The following IREB2 variants were observed in gnomAD, a reference collection of about 807,000 sequenced individuals.
The protein encoded by IREB2 is iron responsive element binding protein 2.
A neutral mutation model predicts 118.8 loss-of-function variants in IREB2; 39 were observed. That is an observed-to-expected ratio of 0.33 (90% CI 0.25 to 0.43). The LOEUF (loss-of-function observed/expected upper bound fraction) is 0.43, where lower values mean the gene tolerates loss of function less well. IREB2 is among the 20% of genes least tolerant of loss of function. The probability of loss-of-function intolerance (pLI) is 1.00; values close to 1 mark genes in which losing one functional copy is unlikely to be tolerated. For missense variants in IREB2, 900 were observed against 1,147.3 expected (o/e 0.78, Z 3.11); for synonymous variants, 372 against 392.2 (o/e 0.95, Z 0.61).
intron 2 of IREB2, among the ~76,000 whole-genome samples, chr15:78,448,497 TA>T (rs2050969520): frequency 1.3e-5 from 2 of 152,354 alleles, no homozygotes; most frequent in South Asian, 2.1e-4. Flanking sequence ...TTTATTTATT[TA>T]TTTGAAGAAA....
intron 2 of IREB2, among the ~76,000 whole-genome samples, chr15:78,451,130 A>G (rs1396075136): frequency 6.6e-6 from 1 of 151,608 alleles, no homozygotes; most frequent in Non-Finnish European, 1.5e-5. Context: ...ACACCTGGCT[A>G]ATTTTTTGTA....
chr15:78,472,364 T>C (rs2051393916), intron 7 of IREB2, among the ~76,000 whole-genome samples: 1 of 151,936 alleles, frequency 6.6e-6, no homozygotes, highest in African/African-American at 2.4e-5. Flanking sequence ...TTCTTTTTTT[T>C]TTCTTTTTCT....
In IREB2 at chr15:78,483,389, T is replaced by C. The variant is rs1402185571; in HGVS notation, c.1368T>C (p.Ala456=). 6.2e-7 allele frequency: 1 copy of C among 1,608,334 alleles called. No individual in the cohort carries two copies. Among genetic ancestry groups the C allele is most frequent in the Non-Finnish European group, 8.5e-7 (1 of 1,174,790 alleles). The change falls in exon 11 of 22, where the codon GCT becomes GCC. Residue 456 remains alanine, a synonymous_variant. Transcript: ENST00000258886. The part of the protein sequence containing the change: ...SGPKRPQDRV[A]VTDMKSDFQA... ...CAAAAAGACCTCAGGATAGAGTTGCTGTGACAGATATGAAAAGCGATTTCC... is the reference window on the plus strand; with the variant it reads ...CAAAAAGACCTCAGGATAGAGTTGCCGTGACAGATATGAAAAGCGATTTCC...
intron 10 of IREB2, among the ~76,000 whole-genome samples, chr15:78,481,451 G>A (rs891894346): frequency 6.6e-6 from 1 of 151,624 alleles, no homozygotes; most frequent in South Asian, 2.1e-4. Flanking sequence ...TGCCTCCCAG[G>A]TTCATGCCAT....
intron 14 of IREB2, among the ~76,000 whole-genome samples, 169 bp from the exon 15 acceptor site, chr15:78,488,011 G>GA (rs2141518809): frequency 1.3e-5 from 2 of 152,178 alleles, no homozygotes; most frequent in East Asian, 1.9e-4. Context: ...ATAATACAAG[G>GA]AATTGATTTA....
intron 2 of IREB2, among the ~76,000 whole-genome samples, chr15:78,451,596 C>A (rs2051025296): frequency 6.6e-6 from 1 of 152,178 alleles, no homozygotes; most frequent in African/African-American, 2.4e-5. Flanking sequence ...ACGAGTACTA[C>A]AGGTTGAGTA....
In IREB2 at chr15:78,499,438, T is replaced by C. The variant is rs1044113288; in HGVS notation, c.*1295T>C. On this transcript the variant is annotated 3_prime_UTR_variant, in exon 22 of 22. Coordinates refer to ENST00000258886, the MANE Select transcript of IREB2 (RefSeq NM_004136.4). The stretch of plus-strand genomic sequence containing the variant: ...GTAGTGATTTTTTTTCACATAGATA[T>C]CTTTCTATGACCTAGTTAGTTACTG... The C allele has an allele frequency of 1.8e-4, 27 of 152,190 alleles. No homozygotes were observed. The highest frequency in any genetic ancestry group is 7.3e-5 in the Non-Finnish European group (5 of 68,040). The allele number at this position is 152,190 out of a possible 1,614,324, so 9.4% of individuals were successfully genotyped here.
chr15:78,439,801 C>A lies in IREB2; in HGVS notation c.26C>A (p.Ala9Asp). 6.3e-7 allele frequency: 1 copy of A among 1,577,686 alleles called. No homozygotes were observed. The change falls in exon 2 of 22, where the codon GCC becomes GAC. Residue 9 changes from alanine to aspartate, a missense_variant. Transcript: ENST00000258886. MDAPKAGY[A>D]FEYLIETLND... ...AATACAATTTTTTTTTCAGGATACG[C>A]CTTTGAGTACCTTATTGAAACATTA...
At chr15:78,488,529 T>A in intron 15 of IREB2, 118 bp from the exon 16 acceptor site, 1 of 1,107,566 alleles carries the variant, frequency 9.0e-7, no homozygotes, top group Non-Finnish European at 1.3e-6. Flanking sequence ...TCCAGCCGCT[T>A]AAGCCTGAAG....
intron 2 of IREB2, among the ~76,000 whole-genome samples, chr15:78,458,378 G>A (rs1032215519): frequency 3.9e-5 from 6 of 152,148 alleles, no homozygotes; most frequent in Non-Finnish European, 7.4e-5. Flanking sequence ...GGGAGGCTAC[G>A]TACTTGTGGG....
intron 2 of IREB2, among the ~76,000 whole-genome samples, chr15:78,442,052 G>A (rs1310409499): frequency 2.0e-5 from 3 of 151,892 alleles, no homozygotes; most frequent in African/African-American, 7.3e-5. Context: ...TACTATAGGC[G>A]TGCATCACCA....
chr15:78,439,674 C>T (rs2050814840), intron 1 of IREB2, 121 bp from the exon 2 acceptor site: 1 of 628,174 alleles, frequency 1.6e-6, no homozygotes, highest in Non-Finnish European at 2.7e-6. Context: ...CTGGACAGCT[C>T]AAACATAGAA....
chr15:78,494,399 G>A, intron 20 of IREB2, 135 bp downstream of exon 20: 1 of 863,922 alleles, frequency 1.2e-6, no homozygotes, highest in Non-Finnish European at 1.8e-6. Context: ...GGTTTTGTTT[G>A]TTTGTTTATT....
At chr15:78,477,944 G>A (rs1056923977) in intron 9 of IREB2, among the ~76,000 whole-genome samples, 1 of 151,764 alleles carries the variant, frequency 6.6e-6, no homozygotes, top group Admixed American at 6.6e-5. Flanking sequence ...TTTATTGGCG[G>A]GGTGTGGTGG....
At chr15:78,469,038 A>C (rs2051331055) in intron 5 of IREB2, among the ~76,000 whole-genome samples, 1 of 152,224 alleles carries the variant, frequency 6.6e-6, no homozygotes, top group Non-Finnish European at 1.5e-5. Flanking sequence ...CTAAAAATCC[A>C]ATCTGCTGTA....
intron 1 of IREB2, 131 bp downstream of exon 1, chr15:78,438,487 C>T (rs1595979259): frequency 4.8e-6 from 5 of 1,045,834 alleles, no homozygotes; most frequent in East Asian, 5.2e-5. Context: ...TTGTGCTCCC[C>T]TCGGGGCCTG....
At chr15:78,443,071 C>T (rs762166661) in intron 2 of IREB2, among the ~76,000 whole-genome samples, 9 of 152,152 alleles carry the variant, frequency 5.9e-5, no homozygotes, top group Non-Finnish European at 1.0e-4. Flanking sequence ...ACTATGGGTA[C>T]TACCAAACCG....
chr15:78,493,457 GT>G (rs1484954782), intron 18 of IREB2, among the ~76,000 whole-genome samples: 1 of 152,196 alleles, frequency 6.6e-6, no homozygotes, highest in Non-Finnish European at 1.5e-5. Flanking sequence ...TCAAATTCAT[GT>G]TTAAAGGTCA....
At chr15:78,439,729 C>T (rs935967559) in intron 1 of IREB2, 66 bp from the exon 2 acceptor site, 37 of 856,828 alleles carry the variant, frequency 4.3e-5, no homozygotes, top group Non-Finnish European at 6.2e-5. Flanking sequence ...AGCTAGTTTC[C>T]AGGTATTTTC....
Sources: allele counts gnomAD v4.1 joint callset (sites outside exome capture counted in the v4.1 genomes callset), GRCh38; gene constraint gnomAD v4.1.1; transcripts MANE v1.5; gene names NCBI Gene and HGNC (gene_info 2026-07-23, HGNC 2026-07-21).